Variants in RBFOX1 observed in about 807,000 individuals in gnomAD.
RBFOX1 encodes RNA binding protein fox-1 homolog 1.
A neutral mutation model predicts 57.7 loss-of-function variants in RBFOX1; 8 were observed. The ratio of observed to expected loss-of-function variants is 0.14; its 90% CI spans 0.08 to 0.25. The LOEUF (loss-of-function observed/expected upper bound fraction) is 0.25. Among genes scored for constraint, RBFOX1 ranks in the 10% least tolerant of loss-of-function variants. The pLI, the probability that RBFOX1 is intolerant of heterozygous loss-of-function variation, is 1.00. For synonymous variants in RBFOX1, 326 were observed against 222.4 expected (o/e 1.47, Z -4.15); for missense variants, 611 against 548.5 (o/e 1.11, Z -1.14).
intron 4 of RBFOX1, among the ~76,000 whole-genome samples, chr16:6,010,898 T>C (rs929441647): frequency 8.5e-5 from 13 of 152,178 alleles, no homozygotes; most frequent in Non-Finnish European, 1.3e-4. Flanking sequence ...AAGGAATAAA[T>C]AGAAATAATA....
chr16:6,264,867 C>T (rs1040819827), intron 1 of RBFOX1, among the ~76,000 whole-genome samples: 39 of 152,246 alleles, frequency 2.6e-4, no homozygotes, highest in African/African-American at 8.4e-4. Flanking sequence ...ACCTCTGAGT[C>T]CATGGCATAT....
chr16:6,833,748 T>C (rs1239468901), intron 3 of RBFOX1, among the ~76,000 whole-genome samples: 2 of 152,126 alleles, frequency 1.3e-5, no homozygotes, highest in Non-Finnish European at 2.9e-5. Flanking sequence ...CAAAAAGAAT[T>C]AATTTGGATG....
At chr16:6,435,640 T>G (rs1447703128) in intron 2 of RBFOX1, among the ~76,000 whole-genome samples, 1 of 152,142 alleles carries the variant, frequency 6.6e-6, no homozygotes, top group African/African-American at 2.4e-5. Flanking sequence ...CCCAGCAAGA[T>G]TTATAGACAC....
intron 2 of RBFOX1, among the ~76,000 whole-genome samples, chr16:6,332,377 CGTGG>C (rs1279452927): frequency 6.6e-6 from 1 of 151,972 alleles, no homozygotes; most frequent in African/African-American, 2.4e-5. Flanking sequence ...TTAGAATCTC[CGTGG>C]AAGTCAAAAT....
intron 3 of RBFOX1, among the ~76,000 whole-genome samples, chr16:7,032,458 A>C (rs2043055653): frequency 6.6e-6 from 1 of 152,058 alleles, no homozygotes; most frequent in Non-Finnish European, 1.5e-5. Flanking sequence ...CAAACAAATA[A>C]ATAAATAAAT....
At chr16:6,946,400 C>G (rs540258275) in intron 3 of RBFOX1, among the ~76,000 whole-genome samples, 1 of 152,296 alleles carries the variant, frequency 6.6e-6, no homozygotes, top group East Asian at 1.9e-4. Context: ...ATAAAGCAAG[C>G]TCTACGCTTA....
At chr16:7,393,491 G>C (rs974831811) in intron 4 of RBFOX1, among the ~76,000 whole-genome samples, 1 of 152,060 alleles carries the variant, frequency 6.6e-6, no homozygotes, top group African/African-American at 2.4e-5. Flanking sequence ...ATCTGTCTTA[G>C]GTCAGATTTC....
intron 3 of RBFOX1, among the ~76,000 whole-genome samples, chr16:6,669,348 T>G (rs776124065): frequency 2.9e-4 from 44 of 152,230 alleles, no homozygotes; most frequent in Non-Finnish European, 5.4e-4. Context: ...CAAGGCTTTT[T>G]GGGCAATTCT....
At chr16:5,355,078 A>G (rs771689522) in intron 1 of RBFOX1, among the ~76,000 whole-genome samples, 2 of 151,652 alleles carry the variant, frequency 1.3e-5, no homozygotes, top group Non-Finnish European at 2.9e-5. Flanking sequence ...GAGAAATAAG[A>G]GAGAATAAAA....
intron 3 of RBFOX1, among the ~76,000 whole-genome samples, chr16:5,751,430 A>T (rs2053198545): frequency 6.6e-6 from 1 of 152,166 alleles, no homozygotes; most frequent in Non-Finnish European, 1.5e-5. Context: ...TACCGTCTCC[A>T]CCCAATAGAG....
chr16:6,155,864 A>T (rs1372254506), intron 1 of RBFOX1, among the ~76,000 whole-genome samples: 1 of 152,128 alleles, frequency 6.6e-6, no homozygotes, highest in Non-Finnish European at 1.5e-5. Flanking sequence ...AGACTTTTTA[A>T]TTATGTCTTT....
chr16:7,691,718 A>T (rs1301154643), intron 14 of RBFOX1, among the ~76,000 whole-genome samples: 1 of 152,080 alleles, frequency 6.6e-6, no homozygotes, highest in Non-Finnish European at 1.5e-5. Flanking sequence ...TGTCTAGCAC[A>T]TTGGACAGTT....
In RBFOX1 at chr16:6,926,270, G is replaced by T. The variant is rs528639736; in HGVS notation, c.-15-125787G>T. ...TGCAGTGAGCTGAGATCACACCACT[G>T]CGCTACAGCCTGGGCAACAGAGCAA... is the stretch of plus-strand genomic sequence containing the variant. On this transcript the variant is annotated intron_variant, in intron 3 of 15. Transcript: ENST00000550418. Among the ~76,000 whole-genome samples, 16 of 152,212 alleles carry T rather than the reference G, an allele frequency of 1.1e-4. No homozygotes were observed. The South Asian group carries it at 3.3e-3, about 32-fold the overall frequency.
At chr16:6,054,798 T>A (rs1372892490) in intron 1 of RBFOX1, among the ~76,000 whole-genome samples, 1 of 152,002 alleles carries the variant, frequency 6.6e-6, no homozygotes, top group Non-Finnish European at 1.5e-5. Flanking sequence ...TATTATTATT[T>A]TTGAGACAGA....
intron 4 of RBFOX1, among the ~76,000 whole-genome samples, chr16:7,159,607 C>G (rs1452278258): frequency 1.3e-5 from 2 of 152,170 alleles, no homozygotes; most frequent in African/African-American, 4.8e-5. Context: ...TCCGCTATAG[C>G]TTCAGTCATC....
chr16:7,139,656 G>C (rs1053899971), intron 4 of RBFOX1, among the ~76,000 whole-genome samples: 1 of 152,104 alleles, frequency 6.6e-6, no homozygotes, highest in Non-Finnish European at 1.5e-5. Flanking sequence ...TTCAGTTTTT[G>C]GTAAAGAGGC....
chr16:6,853,878 C>T (rs907472396), intron 3 of RBFOX1, among the ~76,000 whole-genome samples: 11 of 152,092 alleles, frequency 7.2e-5, no homozygotes, highest in Admixed American at 2.0e-4. Flanking sequence ...GTTAATATAG[C>T]CAGGGCCAGG....
At chr16:5,917,048 C>T (rs2058719198) in intron 4 of RBFOX1, among the ~76,000 whole-genome samples, 1 of 152,134 alleles carries the variant, frequency 6.6e-6, no homozygotes, top group East Asian at 1.9e-4. Flanking sequence ...GTCGCCCTTT[C>T]TCCCTTCACC....
At chr16:5,669,847 C>G (rs948873079) in intron 3 of RBFOX1, among the ~76,000 whole-genome samples, 1 of 152,178 alleles carries the variant, frequency 6.6e-6, no homozygotes, top group African/African-American at 2.4e-5. Context: ...ATTCTTTTGT[C>G]AGGTATATGT....
Sources: allele counts gnomAD v4.1 joint callset (sites outside exome capture counted in the v4.1 genomes callset), GRCh38; gene constraint gnomAD v4.1.1; transcripts MANE v1.5; gene names NCBI Gene and HGNC (gene_info 2026-07-23, HGNC 2026-07-21).